Variants in ARHGAP8 observed in about 807,000 individuals in gnomAD.
ARHGAP8 encodes the protein Rho GTPase activating protein 8, also known as rho GTPase-activating protein 8.
ARHGAP8 carries 62 observed loss-of-function variants against 46.1 expected under a neutral mutation model. That is an observed-to-expected ratio of 1.34 (90% CI 1.10 to 1.66). The LOEUF is 1.66. ARHGAP8 is among the 40% of genes most tolerant of loss of function. The pLI, the probability that ARHGAP8 is intolerant of heterozygous loss-of-function variation, is 0.00. For synonymous variants in ARHGAP8, 375 were observed against 243.1 expected, an observed-to-expected ratio of 1.54 and a Z score of -5.05; for missense variants, 923 against 568.4, an observed-to-expected ratio of 1.62 and a Z score of -6.34.
intron 10 of ARHGAP8, among the ~76,000 whole-genome samples, chr22:44,854,785 C>G (rs1360261435): frequency 6.6e-6 from 1 of 152,060 alleles, no homozygotes; most frequent in Non-Finnish European, 1.5e-5. Flanking sequence ...ATTACAGGCA[C>G]CGGCCATCTT....
intron 1 of ARHGAP8, among the ~76,000 whole-genome samples, chr22:44,783,477 C>A (rs1343159237): frequency 1.3e-5 from 2 of 152,184 alleles, no homozygotes; most frequent in South Asian, 2.1e-4. Context: ...ATCCTGGAAG[C>A]CCCATCAGGC....
At chr22:44,843,529 T>C (rs1931784043) in intron 7 of ARHGAP8, among the ~76,000 whole-genome samples, 2 of 152,190 alleles carry the variant, frequency 1.3e-5, no homozygotes, top group East Asian at 1.9e-4. Flanking sequence ...CTGGATAATG[T>C]ATTATATTAT....
intron 3 of ARHGAP8, among the ~76,000 whole-genome samples, chr22:44,805,548 G>T (rs1333686941): frequency 1.3e-5 from 2 of 150,604 alleles, no homozygotes; most frequent in African/African-American, 4.9e-5. Flanking sequence ...TTTACTATTA[G>T]GTGGAAGTAG....
chr22:44,843,608 T>G (rs1306748081), intron 7 of ARHGAP8, among the ~76,000 whole-genome samples: 1 of 152,110 alleles, frequency 6.6e-6, no homozygotes, highest in Non-Finnish European at 1.5e-5. Context: ...GCAGGTGGAT[T>G]GCTTGAGCTC....
At chr22:44,862,018 G>T (rs550808565) in intron 11 of ARHGAP8, among the ~76,000 whole-genome samples, 1 of 152,266 alleles carries the variant, frequency 6.6e-6, no homozygotes, top group African/African-American at 2.4e-5. Flanking sequence ...AGGAGATAGT[G>T]GGGGGTTGAG....
intron 1 of ARHGAP8, chr22:44,777,272 C>A (rs944478709): frequency 1.3e-5 from 2 of 152,054 alleles, no homozygotes; most frequent in Non-Finnish European, 2.9e-5. Context: ...TGGGCTCAGA[C>A]CCTGGCGGCT....
At chr22:44,811,777 T>C (rs1239250147) in intron 4 of ARHGAP8, among the ~76,000 whole-genome samples, 1 of 152,014 alleles carries the variant, frequency 6.6e-6, no homozygotes, top group Non-Finnish European at 1.5e-5. Context: ...GGGTGAGTCA[T>C]TTGAGGTCAG....
At chr22:44,778,322 C>G (rs1926574489) in intron 1 of ARHGAP8, among the ~76,000 whole-genome samples, 1 of 152,176 alleles carries the variant, frequency 6.6e-6, no homozygotes, top group South Asian at 2.1e-4. Context: ...ATAACAGTCT[C>G]CAATCTCATC....
intron 1 of ARHGAP8, among the ~76,000 whole-genome samples, chr22:44,754,373 T>TGTGTGTGTGTGA (rs1555907814): frequency 0.013 from 1,870 of 147,532 alleles, 19 homozygotes; most frequent in Admixed American, 0.027. Context: ...TGTGTGTGTG[T>TGTGTGTGTGTGA]GACGCAGTTT....
At chr22:44,760,169 A>G (rs182501597) in intron 1 of ARHGAP8, among the ~76,000 whole-genome samples, 260 of 152,330 alleles carry the variant, frequency 1.7e-3, no homozygotes, top group Non-Finnish European at 2.9e-3. Flanking sequence ...GGCCTTGCGC[A>G]TGCCGTCTTG....
chr22:44,786,350 G>A, intron 1 of ARHGAP8, 107 bp from the exon 2 acceptor site: 3 of 1,422,078 alleles, frequency 2.1e-6, no homozygotes, highest in South Asian at 2.8e-5. Context: ...CGCGTAGTGG[G>A]TGTGCAGCAG....
chr22:44,786,332 A>C, intron 1 of ARHGAP8, 125 bp from the exon 2 acceptor site: 1 of 1,088,500 alleles, frequency 9.2e-7, no homozygotes, highest in Non-Finnish European at 1.3e-6. Flanking sequence ...TGCACGGCTG[A>C]GGTAGGGCGC....
chr22:44,852,641 A>G (rs2070125942), intron 10 of ARHGAP8, among the ~76,000 whole-genome samples: 1 of 152,178 alleles, frequency 6.6e-6, no homozygotes, highest in African/African-American at 2.4e-5. Flanking sequence ...AGGTCACTCC[A>G]GGGAAAGAGT....
chr22:44,848,283 C>T (rs1377660660), intron 9 of ARHGAP8, among the ~76,000 whole-genome samples: 1 of 152,212 alleles, frequency 6.6e-6, no homozygotes, highest in Non-Finnish European at 1.5e-5. Flanking sequence ...CGCATGATGC[C>T]ATTTTGCCTT....
At chr22:44,762,088 T>A (rs886216754) in intron 1 of ARHGAP8, among the ~76,000 whole-genome samples, 4 of 152,152 alleles carry the variant, frequency 2.6e-5, no homozygotes, top group African/African-American at 9.7e-5. Flanking sequence ...CAGAGAATTG[T>A]CTTAACAGAG....
intron 2 of ARHGAP8, among the ~76,000 whole-genome samples, chr22:44,796,514 G>T (rs929219769): frequency 6.6e-6 from 1 of 151,568 alleles, no homozygotes; most frequent in Non-Finnish European, 1.5e-5. Flanking sequence ...GAAGGGAGGG[G>T]CTGGAGGCTG....
At chr22:44,757,979 G>T (rs1924819916) in intron 1 of ARHGAP8, among the ~76,000 whole-genome samples, 1 of 152,122 alleles carries the variant, frequency 6.6e-6, no homozygotes. Flanking sequence ...ATAGCAGCCA[G>T]TGGTCTCCAC....
chr22:44,777,564 G>C (rs568382444), intron 1 of ARHGAP8, among the ~76,000 whole-genome samples: 2 of 151,696 alleles, frequency 1.3e-5, no homozygotes, highest in Admixed American at 6.6e-5. Context: ...CCTACTGCTC[G>C]TTACCCATTT....
At chr22:44,813,320 CACAT>C (rs201701019) in intron 4 of ARHGAP8, among the ~76,000 whole-genome samples, 3,111 of 151,702 alleles carry the variant, frequency 0.021, 103 homozygotes, top group African/African-American at 0.072. Context: ...CACCTGCATA[CACAT>C]ACATACAGAC....
Sources: gnomAD v4.1 joint callset for allele counts (sites outside exome capture counted in the v4.1 genomes callset) on GRCh38, gnomAD v4.1.1 for gene constraint, MANE v1.5 for transcripts, NCBI Gene and HGNC (gene_info 2026-07-23, HGNC 2026-07-21) for gene names.